Variants in PALM2AKAP2 observed in about 807,000 individuals in gnomAD.
PALM2AKAP2 encodes PALM2-AKAP2 fusion protein.
In PALM2AKAP2, 37 loss-of-function variants were observed where a neutral mutation model predicts 71.5. That is an observed-to-expected ratio of 0.52 (90% CI 0.40 to 0.68). PALM2AKAP2 has a LOEUF of 0.68. PALM2AKAP2 is among the 30% of genes least tolerant of loss of function. PALM2AKAP2 has a pLI of 0.00. For synonymous variants in PALM2AKAP2, 468 were observed against 478.8 expected (o/e 0.98, Z 0.29); for missense variants, 1,224 against 1,191.8 (o/e 1.03, Z -0.40).
chr9:110,111,270 A>G (rs1278681018), intron 1 of PALM2AKAP2, among the ~76,000 whole-genome samples: 1 of 150,108 alleles, frequency 6.7e-6, no homozygotes, highest in Non-Finnish European at 1.5e-5. Flanking sequence ...TCTTTTAATT[A>G]TTTGTAGAGA....
Position 110,073,405 on chromosome 9 carries a change from A to G in PALM2AKAP2, c.156+24550A>G, listed in dbSNP as rs564346340. Among the ~76,000 whole-genome samples, 17 of 152,306 alleles carry G rather than the reference A, an allele frequency of 1.1e-4. No homozygotes were observed. In the South Asian group the frequency reaches 3.3e-3, roughly 30 times the overall value. On this transcript the variant is annotated intron_variant, in intron 1 of 3. Coordinates refer to ENST00000374525, the Ensembl canonical transcript of PALM2AKAP2. ...AGCTGAGAATTGCCATGGCTGAAACAGCTTTTATAGGGTGTTTTACATGGA... is the reference window on the plus strand; with the variant it reads ...AGCTGAGAATTGCCATGGCTGAAACGGCTTTTATAGGGTGTTTTACATGGA...
intron 3 of PALM2AKAP2, among the ~76,000 whole-genome samples, chr9:109,909,547 A>T (rs1753670178): frequency 6.6e-6 from 1 of 152,220 alleles, no homozygotes; most frequent in African/African-American, 2.4e-5. Flanking sequence ...GAAGATGAAA[A>T]AGTGATGGTA....
At chr9:109,885,663 G>A (rs954198766) in intron 3 of PALM2AKAP2, among the ~76,000 whole-genome samples, 1 of 152,210 alleles carries the variant, frequency 6.6e-6, no homozygotes, top group Non-Finnish European at 1.5e-5. Context: ...CTGTTTCTGA[G>A]CCTTCCTACT....
intron 5 of PALM2AKAP2, among the ~76,000 whole-genome samples, chr9:109,930,543 G>A (rs557857661): frequency 1.3e-5 from 2 of 152,254 alleles, no homozygotes; most frequent in African/African-American, 4.8e-5. Flanking sequence ...TGTTTTCTTA[G>A]CGATACTCTA....
intron 1 of PALM2AKAP2, among the ~76,000 whole-genome samples, chr9:110,117,344 C>T (rs766371622): frequency 5.9e-5 from 9 of 152,108 alleles, no homozygotes; most frequent in South Asian, 2.1e-4. Context: ...AGGCTGGTCT[C>T]GAACTCCTGG....
At chr9:109,749,501 T>C (rs1031632639) in intron 1 of PALM2AKAP2, among the ~76,000 whole-genome samples, 1 of 151,666 alleles carries the variant, frequency 6.6e-6, no homozygotes, top group Admixed American at 6.6e-5. Context: ...ATTTCTGAGG[T>C]TGGCTATATG....
chr9:109,738,088 C>T (rs1828664606), intron 1 of PALM2AKAP2, among the ~76,000 whole-genome samples: 1 of 152,212 alleles, frequency 6.6e-6, no homozygotes, highest in South Asian at 2.1e-4. Context: ...AGAAGTGGTA[C>T]TCATTTACTG....
In PALM2AKAP2 at chr9:109,725,343, T is replaced by C. The variant is rs1487865561; in HGVS notation, c.6-55145T>C. Among the ~76,000 whole-genome samples, 210 of 152,208 alleles carry C rather than the reference T, an allele frequency of 1.4e-3. 3 individuals are homozygous for C. Among genetic ancestry groups the C allele is most frequent in the Non-Finnish European group, 2.1e-4 (14 of 68,030 alleles). On this transcript the variant is annotated intron_variant, in intron 1 of 6. Coordinates refer to the PALM2AKAP2 transcript ENST00000374531. ...TATTGTATCAAAATATTTGTTTTGA[T>C]TACTGAGGTTTGTTTATAGCACGTT...
At chr9:109,960,820 G>A (rs531995091) in intron 6 of PALM2AKAP2, among the ~76,000 whole-genome samples, 4 of 152,316 alleles carry the variant, frequency 2.6e-5, no homozygotes, top group African/African-American at 9.6e-5. Flanking sequence ...ACTTCCCTCA[G>A]CAGTTCCCAA....
At chr9:109,764,527 T>G (rs1440865165) in intron 1 of PALM2AKAP2, among the ~76,000 whole-genome samples, 3 of 152,322 alleles carry the variant, frequency 2.0e-5, no homozygotes, top group African/African-American at 4.8e-5. Flanking sequence ...GCAGTTCCCC[T>G]AGATCCCAAG....
upstream of PALM2AKAP2, chr9:110,048,507 T>A (rs1833639832): frequency 1.8e-6 from 1 of 564,232 alleles, no homozygotes; most frequent in African/African-American, 2.0e-5. Flanking sequence ...TTTCTTCGTT[T>A]GTGCATCGAT....
At chr9:109,871,642 A>T (rs149948701) in intron 2 of PALM2AKAP2, among the ~76,000 whole-genome samples, 1 of 152,320 alleles carries the variant, frequency 6.6e-6, no homozygotes, top group African/African-American at 2.4e-5. Context: ...CTGTAGATTA[A>T]GATATGTAAC....
At chr9:110,121,850 A>G (rs1354028293) in intron 1 of PALM2AKAP2, among the ~76,000 whole-genome samples, 2 of 152,152 alleles carry the variant, frequency 1.3e-5, no homozygotes, top group Admixed American at 6.5e-5. Context: ...GGCTTTCTTG[A>G]GACTCTGCCC....
intron 1 of PALM2AKAP2, among the ~76,000 whole-genome samples, chr9:110,084,044 G>A (rs1834506369): frequency 6.6e-6 from 1 of 152,226 alleles, no homozygotes; most frequent in East Asian, 1.9e-4. Context: ...GCATGCCAGA[G>A]GCTCAGGAAG....
chr9:110,102,894 C>T lies in PALM2AKAP2; in HGVS notation c.157-33233C>T, dbSNP rs144479882. 8.5e-5 allele frequency among the ~76,000 whole-genome samples: 13 copies of T among 152,356 alleles called. No individual in the cohort carries two copies. The East Asian group carries it at 1.2e-3, about 14-fold the overall frequency. ...AGCCAGTGATGCCACATCCCAGCCTCTTTCTGCCTCTGCAGGACAGTTTTG... is the reference window on the plus strand; with the variant it reads ...AGCCAGTGATGCCACATCCCAGCCTTTTTCTGCCTCTGCAGGACAGTTTTG... On this transcript the variant is annotated intron_variant, in intron 1 of 3. Coordinates refer to ENST00000374525, the Ensembl canonical transcript of PALM2AKAP2.
intron 1 of PALM2AKAP2, among the ~76,000 whole-genome samples, chr9:110,106,655 T>G (rs1835128109): frequency 6.6e-6 from 1 of 151,904 alleles, no homozygotes; most frequent in Admixed American, 6.6e-5. Flanking sequence ...TGCAGTAAGG[T>G]GGGAGGTTAG....
At chr9:109,899,383 C>A (rs1322454195) in intron 3 of PALM2AKAP2, among the ~76,000 whole-genome samples, 1 of 152,046 alleles carries the variant, frequency 6.6e-6, no homozygotes. Flanking sequence ...TTTTCTTTCC[C>A]ACTTCCATGA....
At chr9:109,786,191 A>G (rs544210587) in intron 1 of PALM2AKAP2, among the ~76,000 whole-genome samples, 3 of 152,360 alleles carry the variant, frequency 2.0e-5, no homozygotes, top group African/African-American at 7.2e-5. Context: ...GTGTGGGGCC[A>G]GTGGCCAAGG....
At chr9:109,994,594 G>T (rs1349708655) in intron 6 of PALM2AKAP2, among the ~76,000 whole-genome samples, 1 of 152,018 alleles carries the variant, frequency 6.6e-6, no homozygotes, top group Admixed American at 6.6e-5. Flanking sequence ...CTCACAAACA[G>T]CCTGCCAAGA....
Sources: gnomAD v4.1 joint callset for allele counts (sites outside exome capture counted in the v4.1 genomes callset) on GRCh38, gnomAD v4.1.1 for gene constraint, MANE v1.5 for transcripts, NCBI Gene and HGNC (gene_info 2026-07-23, HGNC 2026-07-21) for gene names.